Variants in RPGRIP1L observed in about 807,000 individuals in gnomAD.
RPGRIP1L encodes the protein RPGRIP1 like.
Under a neutral mutation model 160.4 loss-of-function variants are expected in RPGRIP1L, and 131 were observed. The observed-to-expected ratio is 0.82, with a 90% CI of 0.71 to 0.94. The LOEUF is 0.94. Ranked by LOEUF, RPGRIP1L falls within the 40% of genes least tolerant of loss-of-function variation. The pLI is 0.00. For missense variants in RPGRIP1L, 1,522 were observed against 1,535.8 expected, an observed-to-expected ratio of 0.99 and a Z score of 0.15; for synonymous variants, 510 against 515.8, an observed-to-expected ratio of 0.99 and a Z score of 0.15.
At chr16:53,684,525 T>C (rs1027902478) in intron 6 of RPGRIP1L, among the ~76,000 whole-genome samples, 2 of 149,500 alleles carry the variant, frequency 1.3e-5, no homozygotes, top group Non-Finnish European at 3.0e-5. Context: ...TTCTCACTCA[T>C]AGGTGGGAAT....
intron 16 of RPGRIP1L, among the ~76,000 whole-genome samples, chr16:53,648,714 T>C (rs1966752409): frequency 1.3e-5 from 2 of 152,034 alleles, no homozygotes; most frequent in South Asian, 4.1e-4. Flanking sequence ...TAATTAATAG[T>C]ATTGTCCCGA....
chr16:53,614,967 T>C (rs1242598452), intron 24 of RPGRIP1L, among the ~76,000 whole-genome samples: 1 of 152,228 alleles, frequency 6.6e-6, no homozygotes, highest in African/African-American at 2.4e-5. Context: ...CAATGTCATA[T>C]GGCAGAAGAA....
intron 23 of RPGRIP1L, among the ~76,000 whole-genome samples, chr16:53,621,916 G>C (rs1284363921): frequency 6.6e-6 from 1 of 150,762 alleles, no homozygotes; most frequent in East Asian, 2.0e-4. Context: ...CCAGCTACTC[G>C]GGAGGCTGAG....
chr16:53,676,563 T>C lies in RPGRIP1L; in HGVS notation c.777-1441A>G, dbSNP rs556019217. On this transcript the variant is annotated intron_variant, in intron 6 of 26. Transcript: ENST00000647211. ...ATGTAAGGACAGAATGTGATTCAAATAATTTAAAATCTTTTCATATATTTC... is the reference window on the plus strand; with the variant it reads ...ATGTAAGGACAGAATGTGATTCAAACAATTTAAAATCTTTTCATATATTTC... Among the ~76,000 whole-genome samples, 265 of 152,310 alleles carry C rather than the reference T, an allele frequency of 1.7e-3. 2 individuals are homozygous for C. Among genetic ancestry groups the C allele is most frequent in the African/African-American group, 5.6e-3 (234 of 41,582 alleles).
intron 15 of RPGRIP1L, among the ~76,000 whole-genome samples, chr16:53,650,021 T>C (rs995019049): frequency 2.0e-5 from 3 of 152,212 alleles, no homozygotes; most frequent in Admixed American, 6.5e-5. Context: ...TTATCAATTT[T>C]TTCCCTGCTA....
intron 22 of RPGRIP1L, chr16:53,628,118 CTGTGTG>C (rs3035255): frequency 2.1e-4 from 31 of 146,638 alleles, no homozygotes; most frequent in South Asian, 1.3e-3. Flanking sequence ...TATAAAAATA[CTGTGTG>C]TGTGTGTGTG....
At chr16:53,642,874 C>T (rs1966323265) in intron 17 of RPGRIP1L, among the ~76,000 whole-genome samples, 1 of 152,186 alleles carries the variant, frequency 6.6e-6, no homozygotes, top group South Asian at 2.1e-4. Context: ...ACAACAGCAA[C>T]CTCAATGGCA....
intron 3 of RPGRIP1L, chr16:53,695,555 C>A: frequency 1.6e-6 from 1 of 614,654 alleles, no homozygotes; most frequent in Admixed American, 2.8e-5. Context: ...CACAGCATTT[C>A]TGAATAAAAA....
intron 16 of RPGRIP1L, among the ~76,000 whole-genome samples, chr16:53,647,414 T>C (rs1249669301): frequency 6.6e-6 from 1 of 152,232 alleles, no homozygotes; most frequent in African/African-American, 2.4e-5. Context: ...TCCATTTTTT[T>C]CTGTATGTTT....
At chr16:53,648,377 T>A (rs187266434) in intron 16 of RPGRIP1L, among the ~76,000 whole-genome samples, 2 of 152,266 alleles carry the variant, frequency 1.3e-5, no homozygotes, top group Admixed American at 1.3e-4. Context: ...GGAAGCACAA[T>A]AACTGATAGT....
intron 9 of RPGRIP1L, among the ~76,000 whole-genome samples, chr16:53,669,194 C>T (rs1160796727): frequency 6.6e-6 from 1 of 151,998 alleles, no homozygotes. Context: ...AGACTTTTGT[C>T]GAATTTCTCC....
chr16:53,665,718 C>A (rs1474095750), intron 9 of RPGRIP1L, among the ~76,000 whole-genome samples: 1 of 152,150 alleles, frequency 6.6e-6, no homozygotes, highest in Non-Finnish European at 1.5e-5. Context: ...CAAGACCCAG[C>A]ATATCAGAAG....
At chr16:53,647,266 C>A (rs1966617798) in intron 16 of RPGRIP1L, among the ~76,000 whole-genome samples, 1 of 152,134 alleles carries the variant, frequency 6.6e-6, no homozygotes, top group East Asian at 1.9e-4. Flanking sequence ...GTCATAGAAA[C>A]TAATTCTATT....
At position 53,598,915 on chromosome 16, in the gene RPGRIP1L, C is replaced by T. The variant is rs1963275892; in HGVS notation, c.*3161G>A. On this transcript the variant is annotated 3_prime_UTR_variant, in exon 27 of 27. Transcript: ENST00000647211. ...GACATTTTATTCTCATATTTGTTCA[C>T]AGACATGATTCACATTTTTCTATCT... 1 of 152,126 alleles carries T rather than the reference C, an allele frequency of 6.6e-6. No individual in the cohort carries two copies. Among genetic ancestry groups the T allele is most frequent in the Non-Finnish European group, 1.5e-5 (1 of 68,006 alleles). 9.4% of individuals were successfully genotyped at this position (152,126 alleles called of 1,614,324 possible). A position where few individuals can be genotyped will look rare whatever the true frequency, so the allele number is the denominator to read the frequency against.
At chr16:53,608,335 T>C (rs1029498938) in intron 25 of RPGRIP1L, among the ~76,000 whole-genome samples, 2 of 152,220 alleles carry the variant, frequency 1.3e-5, no homozygotes, top group Non-Finnish European at 2.9e-5. Flanking sequence ...CTTTCTATTT[T>C]GGCATTTAAC....
chr16:53,695,809 C>T (rs1248473633), intron 3 of RPGRIP1L: 1 of 320,364 alleles, frequency 3.1e-6, no homozygotes, highest in Non-Finnish European at 5.8e-6. Context: ...CTTTTTAAAA[C>T]TTTCATTTTA....
chr16:53,703,288 A>G (rs1371039080), intron 1 of RPGRIP1L: 1 of 152,164 alleles, frequency 6.6e-6, no homozygotes, highest in Non-Finnish European at 1.5e-5. Context: ...AAAAAGAATA[A>G]AGAAAAAATA....
chr16:53,632,273 T>A (rs1408429443), intron 22 of RPGRIP1L, among the ~76,000 whole-genome samples: 2 of 152,220 alleles, frequency 1.3e-5, no homozygotes, highest in African/African-American at 4.8e-5. Flanking sequence ...GTAACTGGCA[T>A]AAATGATACT....
At chr16:53,622,559 C>T (rs1964802859) in intron 22 of RPGRIP1L, among the ~76,000 whole-genome samples, 1 of 151,976 alleles carries the variant, frequency 6.6e-6, no homozygotes, top group African/African-American at 2.4e-5. Flanking sequence ...AGCATCCTTG[C>T]CTTTCCATTT....
Sources: allele counts gnomAD v4.1 joint callset (sites outside exome capture counted in the v4.1 genomes callset), GRCh38; gene constraint gnomAD v4.1.1; transcripts MANE v1.5; gene names NCBI Gene and HGNC (gene_info 2026-07-23, HGNC 2026-07-21).